IARS1: variants seen among roughly 807,000 people sequenced by gnomAD.
IARS1 encodes the protein isoleucyl-tRNA synthetase 1.
A neutral mutation model predicts 168.2 loss-of-function variants in IARS1; 124 were observed. The observed-to-expected ratio is 0.74, with a 90% CI of 0.64 to 0.86. The LOEUF (loss-of-function observed/expected upper bound fraction) is 0.86. IARS1 is among the 40% of genes least tolerant of loss of function. The pLI is 0.00. For synonymous variants in IARS1, 532 were observed against 529.4 expected (o/e 1.00, Z -0.07); for missense variants, 1,452 against 1,515.8 (o/e 0.96, Z 0.70).
intron 20 of IARS1, chr9:92,253,995 C>T (rs1830382123): frequency 1.7e-4 from 73 of 420,500 alleles, no homozygotes; most frequent in South Asian, 1.2e-3. Flanking sequence ...GAGGGTAGCA[C>T]GGTGCTACTG....
intron 31 of IARS1, among the ~76,000 whole-genome samples, chr9:92,228,235 T>C (rs1381179344): frequency 2.0e-5 from 3 of 152,238 alleles, no homozygotes; most frequent in Non-Finnish European, 4.4e-5. Flanking sequence ...ACATCTGCGA[T>C]AATCCTATTT....
intron 10 of IARS1, 87 bp downstream of exon 10, chr9:92,274,339 C>A: frequency 1.0e-6 from 1 of 986,656 alleles, no homozygotes; most frequent in South Asian, 1.4e-5. Flanking sequence ...AACCTGGTAA[C>A]CCAACATGAT....
chr9:92,269,093 A>G (rs928237074), intron 13 of IARS1, among the ~76,000 whole-genome samples: 9 of 152,010 alleles, frequency 5.9e-5, no homozygotes, highest in Non-Finnish European at 1.3e-4. Context: ...CTTACACATT[A>G]GGGGAACTAA....
intron 33 of IARS1, among the ~76,000 whole-genome samples, chr9:92,220,844 G>A (rs1839563851): frequency 6.6e-6 from 1 of 151,794 alleles, no homozygotes; most frequent in Non-Finnish European, 1.5e-5. Flanking sequence ...GCGCGTGCCT[G>A]TAGTCCTAGC....
At chr9:92,235,100 T>G (rs925753912) in intron 30 of IARS1, among the ~76,000 whole-genome samples, 1 of 152,166 alleles carries the variant, frequency 6.6e-6, no homozygotes, top group East Asian at 1.9e-4. Context: ...GCTCCCAAAG[T>G]GGGATTACAG....
intron 20 of IARS1, 144 bp downstream of exon 20, chr9:92,256,536 G>C: frequency 1.2e-6 from 1 of 838,336 alleles, no homozygotes; most frequent in Admixed American, 2.7e-5. Flanking sequence ...CAATTAACAA[G>C]CCTTAACAAA....
chr9:92,284,131 C>A (rs867529062), intron 6 of IARS1, among the ~76,000 whole-genome samples: 2 of 152,154 alleles, frequency 1.3e-5, no homozygotes, highest in Admixed American at 6.6e-5. Flanking sequence ...TAGCCGAGAT[C>A]GTGCCACTGC....
Position 92,289,320 on chromosome 9 carries a change from G to A in IARS1, c.100C>T (p.Gln34Ter), listed in dbSNP as rs1352060195. Reference protein sequence around the residue: ...EFNCFQECLKQSKHKPKFTFY... With the variant: ...EFNCFQECLK ...ACATACTTTGGTTTATGTTTTGATTGCTTTAAGCATTCCTGAAAACAATTA... is the reference window on the plus strand; with the variant it reads ...ACATACTTTGGTTTATGTTTTGATTACTTTAAGCATTCCTGAAAACAATTA... The change falls in exon 2 of 34, where the codon CAA becomes TAA. Residue 34 changes from glutamine to a stop codon, truncating the protein, a stop_gained. Transcript: ENST00000443024. LOFTEE classifies it high-confidence loss of function. The A allele has an allele frequency of 2.7e-6, 4 of 1,501,350 alleles. No individual in the cohort carries two copies. Among genetic ancestry groups the A allele is most frequent in the South Asian group, 2.3e-5 (2 of 87,490 alleles). 93.0% of individuals were successfully genotyped at this position (1,501,350 alleles called of 1,614,324 possible).
At chr9:92,236,027 G>A (rs1383646816) in intron 30 of IARS1, among the ~76,000 whole-genome samples, 2 of 151,296 alleles carry the variant, frequency 1.3e-5, no homozygotes, top group Non-Finnish European at 2.9e-5. Flanking sequence ...TGTCGGCCTG[G>A]GCTGGAGTGC....
intron 33 of IARS1, among the ~76,000 whole-genome samples, chr9:92,216,155 T>G (rs1450199986): frequency 1.3e-5 from 2 of 151,012 alleles, no homozygotes; most frequent in African/African-American, 2.4e-5. Context: ...ACCCAGAATT[T>G]CATATCCAGC....
chr9:92,280,014 T>C (rs1054627509), intron 7 of IARS1, among the ~76,000 whole-genome samples: 1 of 152,242 alleles, frequency 6.6e-6, no homozygotes, highest in Non-Finnish European at 1.5e-5. Context: ...TGTACGTAAA[T>C]ACCCTATTTG....
intron 33 of IARS1, among the ~76,000 whole-genome samples, chr9:92,221,277 A>G (rs1203062460): frequency 6.6e-6 from 1 of 151,434 alleles, no homozygotes; most frequent in Admixed American, 6.6e-5. Context: ...AGGAGAGAAT[A>G]CCAGAGAGAA....
intron 30 of IARS1, 30 bp downstream of exon 30, chr9:92,240,826 A>G (rs1432984295): frequency 7.2e-7 from 1 of 1,388,736 alleles, no homozygotes; most frequent in African/African-American, 1.4e-5. Context: ...ACTAAAAAAA[A>G]GTCACACAAA....
chr9:92,288,850 T>C (rs1243789458), intron 2 of IARS1, among the ~76,000 whole-genome samples: 2 of 152,118 alleles, frequency 1.3e-5, no homozygotes, highest in Admixed American at 1.3e-4. Context: ...TCAATGTATA[T>C]CTACTACTGA....
chr9:92,277,731 G>C, intron 9 of IARS1, 132 bp downstream of exon 9: 1 of 604,612 alleles, frequency 1.7e-6, no homozygotes, highest in East Asian at 3.1e-5. Flanking sequence ...ATTTAATTTT[G>C]TTGGTACTAA....
chr9:92,257,956 A>G (rs907942904), intron 19 of IARS1, among the ~76,000 whole-genome samples: 6 of 152,180 alleles, frequency 3.9e-5, no homozygotes, highest in African/African-American at 1.4e-4. Context: ...GTGGCTCTAG[A>G]GCAAGGGCTT....
intron 20 of IARS1, chr9:92,253,789 A>C (rs1301902355): frequency 4.0e-6 from 2 of 498,778 alleles, no homozygotes; most frequent in Non-Finnish European, 7.9e-6. Flanking sequence ...ATTTACACGG[A>C]GCTGTGCAAT....
At chr9:92,268,465 A>G (rs1449351857) in intron 13 of IARS1, among the ~76,000 whole-genome samples, 165 bp from the exon 14 acceptor site, 1 of 152,248 alleles carries the variant, frequency 6.6e-6, no homozygotes, top group Non-Finnish European at 1.5e-5. Flanking sequence ...CATAGCACAC[A>G]CAACAGTTTG....
At chr9:92,216,952 C>T (rs1838807956) in intron 33 of IARS1, among the ~76,000 whole-genome samples, 1 of 151,356 alleles carries the variant, frequency 6.6e-6, no homozygotes, top group African/African-American at 2.4e-5. Flanking sequence ...CTCTCCACCC[C>T]AAATTAACAG....
Sources: gnomAD v4.1 joint callset for allele counts (sites outside exome capture counted in the v4.1 genomes callset) on GRCh38, gnomAD v4.1.1 for gene constraint, MANE v1.5 for transcripts, NCBI Gene and HGNC (gene_info 2026-07-23, HGNC 2026-07-21) for gene names.